The following AGBL4 variants were observed in gnomAD, a reference collection of about 807,000 sequenced individuals.
The protein encoded by AGBL4 is AGBL carboxypeptidase 4.
Under a neutral mutation model 66.4 loss-of-function variants are expected in AGBL4, and 58 were observed. The observed-to-expected ratio is 0.87, with a 90% CI of 0.71 to 1.09. AGBL4 has a LOEUF of 1.09. Among genes scored for constraint, AGBL4 ranks in the 50% least tolerant of loss-of-function variants. The probability of loss-of-function intolerance (pLI) is 0.00; values close to 1 mark genes in which losing one functional copy is unlikely to be tolerated. For missense variants in AGBL4, 579 were observed against 631.0 expected, an observed-to-expected ratio of 0.92 and a Z score of 0.88; for synonymous variants, 234 against 222.9, an observed-to-expected ratio of 1.05 and a Z score of -0.44.
chr1:48,774,568 A>G (rs980860261), intron 6 of AGBL4, among the ~76,000 whole-genome samples: 2 of 152,166 alleles, frequency 1.3e-5, no homozygotes, highest in Non-Finnish European at 2.9e-5. Flanking sequence ...CTTTGAACCT[A>G]CTCTGCCAGT....
intron 1 of AGBL4, among the ~76,000 whole-genome samples, chr1:50,001,363 C>CA (rs1660736165): frequency 6.6e-6 from 1 of 151,144 alleles, no homozygotes; most frequent in Non-Finnish European, 1.5e-5. Flanking sequence ...GGAAAAAAAA[C>CA]ACAATCTTAC....
At chr1:49,404,358 C>A (rs1435483885) in intron 3 of AGBL4, among the ~76,000 whole-genome samples, 1 of 152,122 alleles carries the variant, frequency 6.6e-6, no homozygotes, top group African/African-American at 2.4e-5. Flanking sequence ...GAAAGAGAAC[C>A]CTCACTAGAA....
intron 6 of AGBL4, among the ~76,000 whole-genome samples, chr1:48,738,928 CAG>C (rs2148585347): frequency 6.6e-6 from 1 of 152,230 alleles, no homozygotes; most frequent in Admixed American, 6.5e-5. Context: ...CAGATGTAAA[CAG>C]AGATTCAGAG....
intron 5 of AGBL4, among the ~76,000 whole-genome samples, chr1:48,934,037 C>T (rs542851116): frequency 6.6e-6 from 1 of 152,230 alleles, no homozygotes; most frequent in East Asian, 1.9e-4. Context: ...GACGAGGTAG[C>T]CTATTTTGGT....
At chr1:49,686,843 T>G (rs1459911176) in intron 3 of AGBL4, among the ~76,000 whole-genome samples, 3 of 152,224 alleles carry the variant, frequency 2.0e-5, no homozygotes, top group Non-Finnish European at 2.9e-5. Flanking sequence ...TAAAATAATT[T>G]GCCCAGGTGA....
chr1:49,354,097 A>T (rs1643968301), intron 3 of AGBL4, among the ~76,000 whole-genome samples: 1 of 152,212 alleles, frequency 6.6e-6, no homozygotes, highest in Non-Finnish European at 1.5e-5. Flanking sequence ...GGCAACTGCT[A>T]AAAGAACATT....
intron 3 of AGBL4, among the ~76,000 whole-genome samples, chr1:49,370,757 G>T (rs1644324941): frequency 2.0e-5 from 3 of 152,114 alleles, no homozygotes; most frequent in South Asian, 2.1e-4. Flanking sequence ...TATATAAAAT[G>T]CTTAGAATAC....
rs372350406 is a variant in AGBL4, at chr1:49,578,255, G to A, written c.282+119058C>T. On this transcript the variant is annotated intron_variant, in intron 3 of 13. Transcript: ENST00000371839. ...TACTCCACAATGGAGGTAAGGAAGA[G>A]TATGCATGGAATACAGGAGATCCAT... Among the ~76,000 whole-genome samples the A allele has an allele frequency of 2.0e-5, 3 of 152,200 alleles. No individual in the cohort carries two copies. In the East Asian group the frequency reaches 5.8e-4, roughly 29 times the overall value.
chr1:49,267,914 C>A (rs1271716042), intron 3 of AGBL4, among the ~76,000 whole-genome samples: 1 of 151,932 alleles, frequency 6.6e-6, no homozygotes, highest in Non-Finnish European at 1.5e-5. Flanking sequence ...GGGAAACCAC[C>A]CCCATGATTC....
At chr1:48,913,740 G>T (rs1028187830) in intron 5 of AGBL4, among the ~76,000 whole-genome samples, 56 of 152,124 alleles carry the variant, frequency 3.7e-4, no homozygotes, top group African/African-American at 1.3e-3. Context: ...GAAATAAAGT[G>T]CACAAAAAAT....
At chr1:48,810,627 T>C (rs1646027231) in intron 6 of AGBL4, among the ~76,000 whole-genome samples, 1 of 152,224 alleles carries the variant, frequency 6.6e-6, no homozygotes, top group African/African-American at 2.4e-5. Flanking sequence ...ACTCAGTAGA[T>C]GGAAGCTATT....
intron 1 of AGBL4, among the ~76,000 whole-genome samples, chr1:49,963,279 T>C (rs1479762043): frequency 6.6e-6 from 1 of 152,122 alleles, no homozygotes; most frequent in Non-Finnish European, 1.5e-5. Flanking sequence ...TCTTCCTTCA[T>C]CTTGTTAAGG....
Position 49,747,317 on chromosome 1 carries a change from A to T in AGBL4, c.158-49880T>A, listed in dbSNP as rs375409220. On this transcript the variant is annotated intron_variant, in intron 2 of 13. Transcript: ENST00000371839. ...TAGCATACCTAAATCTCCAGGACTT[A>T]TTACAGCCCTACCTCCACGAAATTT... Among the ~76,000 whole-genome samples, 30 of 152,286 alleles carry T rather than the reference A, an allele frequency of 2.0e-4. No homozygotes were observed. The East Asian group carries it at 4.1e-3, about 21-fold the overall frequency.
intron 3 of AGBL4, among the ~76,000 whole-genome samples, chr1:49,328,109 C>A (rs1414466373): frequency 6.6e-6 from 1 of 152,154 alleles, no homozygotes; most frequent in East Asian, 1.9e-4. Context: ...GAGAAATAAG[C>A]CCACGTGTAA....
intron 4 of AGBL4, among the ~76,000 whole-genome samples, chr1:49,063,740 C>T (rs1644443447): frequency 6.6e-6 from 1 of 152,112 alleles, no homozygotes; most frequent in African/African-American, 2.4e-5. Flanking sequence ...AAGAAAGGCC[C>T]TTCTGATGAG....
rs113441975 is a variant in AGBL4, at chr1:48,874,777, A to C, written c.595-7547T>G. 3.1e-3 allele frequency among the ~76,000 whole-genome samples: 472 copies of C among 152,222 alleles called. 3 individuals carry two copies. Among genetic ancestry groups the C allele is most frequent in the African/African-American group, 0.01 (420 of 41,530 alleles). ...GAGGGGCCAGTTTCCTCTGTGAGGAAAGAGAGCAGAGATCATCGAAATTTG... is the reference window on the plus strand; with the variant it reads ...GAGGGGCCAGTTTCCTCTGTGAGGACAGAGAGCAGAGATCATCGAAATTTG... On this transcript the variant is annotated intron_variant, in intron 5 of 13. Transcript: ENST00000371839.
intron 8 of AGBL4, among the ~76,000 whole-genome samples, chr1:48,641,056 C>T (rs1195980443): frequency 6.6e-6 from 1 of 152,120 alleles, no homozygotes; most frequent in Admixed American, 6.5e-5. Flanking sequence ...CATTGACAAG[C>T]AGAGATGTAT....
At chr1:49,845,441 A>G (rs1646114488) in intron 2 of AGBL4, 1 of 1,469,222 alleles carries the variant, frequency 6.8e-7, no homozygotes, top group Admixed American at 1.7e-5. Flanking sequence ...AAAGCCTTCC[A>G]GCAAAGCATC....
chr1:49,553,106 C>A (rs1653100442), intron 3 of AGBL4, among the ~76,000 whole-genome samples: 1 of 152,116 alleles, frequency 6.6e-6, no homozygotes, highest in African/African-American at 2.4e-5. Context: ...AAAAATATTT[C>A]TTAAAAAATG....
Sources: gnomAD v4.1 joint callset for allele counts (sites outside exome capture counted in the v4.1 genomes callset) on GRCh38, gnomAD v4.1.1 for gene constraint, MANE v1.5 for transcripts, NCBI Gene and HGNC (gene_info 2026-07-23, HGNC 2026-07-21) for gene names.